PNISR: variants seen among roughly 807,000 people sequenced by gnomAD.
PNISR encodes the protein arginine/serine-rich protein PNISR.
PNISR carries 20 observed loss-of-function variants against 93.4 expected under a neutral mutation model. The observed-to-expected ratio is 0.21, with a 90% CI of 0.15 to 0.31. PNISR has a LOEUF of 0.31. Among genes scored for constraint, PNISR ranks in the 10% least tolerant of loss-of-function variants. The pLI is 1.00. For synonymous variants in PNISR, 305 were observed against 306.5 expected, an observed-to-expected ratio of 0.99 and a Z score of 0.05; for missense variants, 893 against 985.4, an observed-to-expected ratio of 0.91 and a Z score of 1.25.
At chr6:99,405,243 T>C (rs1776008932) in intron 8 of PNISR, among the ~76,000 whole-genome samples, 2 of 152,052 alleles carry the variant, frequency 1.3e-5, no homozygotes, top group African/African-American at 4.8e-5. Flanking sequence ...GGTGGGCGGA[T>C]CACCTGAGGT....
chr6:99,416,352 A>G lies in PNISR; in HGVS notation c.-35T>C. On this transcript the variant is annotated 5_prime_UTR_variant, in exon 2 of 12. Coordinates refer to ENST00000369239, the MANE Select transcript of PNISR (RefSeq NM_032870.4). ...ACCAACTGCTATTTAAACTGACCTC[A>G]GAGGTTCACCTTCTGTTTAAAACTT... 8.8e-7 allele frequency: 1 copy of G among 1,131,560 alleles called. No homozygotes were observed. The highest frequency in any genetic ancestry group is 1.1e-6 in the Non-Finnish European group (1 of 896,658). 70.1% of individuals were successfully genotyped at this position (1,131,560 alleles called of 1,614,324 possible).
intron 8 of PNISR, among the ~76,000 whole-genome samples, chr6:99,405,598 T>A (rs765365542): frequency 6.6e-6 from 1 of 152,138 alleles, no homozygotes; most frequent in Non-Finnish European, 1.5e-5. Flanking sequence ...AGGGTCTCAC[T>A]CTGTCACCCA....
At chr6:99,420,003 G>T (rs1324569120) in intron 1 of PNISR, among the ~76,000 whole-genome samples, 8 of 151,852 alleles carry the variant, frequency 5.3e-5, no homozygotes, top group African/African-American at 1.9e-4. Context: ...TCCTGCCTCA[G>T]CCTCCCGAGT....
chr6:99,420,486 T>A (rs1778411029), intron 1 of PNISR, among the ~76,000 whole-genome samples: 1 of 152,232 alleles, frequency 6.6e-6, no homozygotes, highest in Admixed American at 6.5e-5. Flanking sequence ...ACAGTAAGAT[T>A]ACTAGTGATT....
At chr6:99,419,398 T>C (rs895853259) in intron 1 of PNISR, among the ~76,000 whole-genome samples, 1 of 152,082 alleles carries the variant, frequency 6.6e-6, no homozygotes, top group South Asian at 2.1e-4. Flanking sequence ...ATACAGTTGA[T>C]TCCTATTCAG....
chr6:99,402,578 T>C lies in PNISR; in HGVS notation c.1289A>G (p.Glu430Gly). 6 of 1,613,746 alleles carry C rather than the reference T, an allele frequency of 3.7e-6. No homozygotes were observed. Among genetic ancestry groups the C allele is most frequent in the Non-Finnish European group, 5.1e-6 (6 of 1,179,734 alleles). The change falls in exon 11 of 12, where the codon GAA becomes GGA. Residue 430 changes from glutamate to glycine, a missense_variant. Glu to Gly is a moderately conservative substitution (Grantham distance 98). Coordinates refer to ENST00000369239, the MANE Select transcript of PNISR (RefSeq NM_032870.4). ...ATCATGTAATAGCTGCTGTTCTTTT[T>C]CTTTTCTCCAAAAAGCTTCCTGTTT... ...RQKQEAFWRK[E>G]KEQQLLHDKQ...
chr6:99,416,062 A>G (rs1454576684), intron 2 of PNISR: 7 of 216,182 alleles, frequency 3.2e-5, no homozygotes, highest in East Asian at 9.6e-5. Flanking sequence ...AATTACAATG[A>G]CATTATTAGA....
intron 1 of PNISR, among the ~76,000 whole-genome samples, chr6:99,423,402 G>A (rs1178623137): frequency 2.0e-5 from 3 of 152,174 alleles, no homozygotes; most frequent in African/African-American, 4.8e-5. Context: ...CTGAGGAAGA[G>A]CACAACTGTC....
In PNISR at chr6:99,400,335, A is replaced by C; in HGVS notation, c.*205T>G. On this transcript the variant is annotated 3_prime_UTR_variant, in exon 12 of 12. Transcript: ENST00000369239. The stretch of plus-strand genomic sequence containing the variant: ...ATCTGAAAAAAAAGGGAAAAGACAA[A>C]ATTTAAAAATAAAAATGTATTTTAA... 8.7e-7 allele frequency: 1 copy of C among 1,152,780 alleles called. No individual in the cohort carries two copies. Among genetic ancestry groups the C allele is most frequent in the Non-Finnish European group, 1.1e-6 (1 of 936,466 alleles). 71.4% of individuals were successfully genotyped at this position (1,152,780 alleles called of 1,614,324 possible). A position where few individuals can be genotyped will look rare whatever the true frequency, so the allele number is the denominator to read the frequency against.
At chr6:99,417,461 A>G (rs1165875163) in intron 1 of PNISR, among the ~76,000 whole-genome samples, 1 of 152,200 alleles carries the variant, frequency 6.6e-6, no homozygotes, top group African/African-American at 2.4e-5. Flanking sequence ...GAACATAAGT[A>G]AATTATGCTC....
In PNISR at chr6:99,406,843, T is replaced by C. The variant is rs138477658; in HGVS notation, c.865-675A>G. Among the ~76,000 whole-genome samples, 1,275 of 152,100 alleles carry C rather than the reference T, an allele frequency of 8.4e-3. 17 individuals carry two copies. The highest frequency in any genetic ancestry group is 0.014 in the Non-Finnish European group (934 of 67,984). On this transcript the variant is annotated intron_variant, in intron 7 of 11. Transcript: ENST00000369239. ...AGTGTCCCCTAGTCACTTTTAATAA[T>C]CCCACTAAGTAAAAGACAAGATGAC...
At position 99,405,671 on chromosome 6, in the gene PNISR, C is replaced by T. The variant is rs192222802; in HGVS notation, c.1002+360G>A. Among the ~76,000 whole-genome samples the T allele has an allele frequency of 2.2e-4, 33 of 152,138 alleles. No homozygotes were observed. The East Asian group carries it at 3.1e-3, about 14-fold the overall frequency. ...CCTCTGCTTCCCAGGCTCAAACAAT[C>T]CTCCCACCACAACTTCCTGAGTTGC... On this transcript the variant is annotated intron_variant, in intron 8 of 11. Coordinates refer to ENST00000369239, the MANE Select transcript of PNISR (RefSeq NM_032870.4).
chr6:99,409,135 T>A, intron 6 of PNISR, 38 bp downstream of exon 6: 2 of 1,537,634 alleles, frequency 1.3e-6, no homozygotes, highest in South Asian at 2.2e-5. Flanking sequence ...AAAAAAGTCA[T>A]GCCAATTGTG....
intron 1 of PNISR, among the ~76,000 whole-genome samples, chr6:99,421,343 C>T (rs1778526030): frequency 6.6e-6 from 1 of 152,140 alleles, no homozygotes; most frequent in African/African-American, 2.4e-5. Context: ...TGAATTGTGT[C>T]CCCATCCAAC....
intron 11 of PNISR, among the ~76,000 whole-genome samples, chr6:99,402,334 A>G (rs898234078): frequency 1.3e-5 from 2 of 152,222 alleles, no homozygotes; most frequent in East Asian, 3.8e-4. Context: ...AGCAAGAAAT[A>G]AAAATACCCT....
intron 7 of PNISR, among the ~76,000 whole-genome samples, chr6:99,407,147 C>T (rs769715770): frequency 1.3e-5 from 2 of 151,918 alleles, no homozygotes; most frequent in African/African-American, 2.4e-5. Context: ...CGGTGAAACC[C>T]CGTCTCTACG....
In PNISR at chr6:99,412,644, G is replaced by A. The variant is rs1777095765; in HGVS notation, c.184C>T (p.Pro62Ser). 6.2e-7 allele frequency: 1 copy of A among 1,611,850 alleles called. No homozygotes were observed. Among genetic ancestry groups the A allele is most frequent in the Admixed American group, 1.7e-5 (1 of 59,808 alleles). Residue 62 changes from proline (P) to serine (S), a missense_variant, in exon 4 of 12, where the codon CCA becomes TCA. Physicochemically the swap from Pro to Ser is moderately conservative, Grantham distance 74. Coordinates refer to ENST00000369239, the MANE Select transcript of PNISR (RefSeq NM_032870.4). ...SMVEQPPGMM[P>S]NGQDMSTMES... ...ATTGTAGACATATCTTGTCCATTTGGCATCATTCCTGGTGGTTGTTCTACC... is the reference window on the plus strand; with the variant it reads ...ATTGTAGACATATCTTGTCCATTTGACATCATTCCTGGTGGTTGTTCTACC...
rs1048089222 is a variant in PNISR at position 99,421,530 on chromosome 6, T to G, written c.-112+3685A>C. Among the ~76,000 whole-genome samples the G allele has an allele frequency of 2.6e-5, 4 of 152,098 alleles. No individual in the cohort carries two copies. The East Asian group carries it at 7.7e-4, about 29-fold the overall frequency. ...AGACACTTACAGGGAGAATGTAACA[T>G]GACCACAGTGGTACAGATTGGGAGT... On this transcript the variant is annotated intron_variant, in intron 1 of 11. Transcript: ENST00000369239.
intron 1 of PNISR, 27 bp downstream of exon 1, chr6:99,425,188 C>T: frequency 8.2e-7 from 1 of 1,225,114 alleles, no homozygotes; most frequent in Non-Finnish European, 1.0e-6. Flanking sequence ...GGCAAGTGCC[C>T]ACGTATAATT....
Sources: gnomAD v4.1 joint callset for allele counts (sites outside exome capture counted in the v4.1 genomes callset) on GRCh38, gnomAD v4.1.1 for gene constraint, MANE v1.5 for transcripts, NCBI Gene and HGNC (gene_info 2026-07-23, HGNC 2026-07-21) for gene names.